DAAM2: variants seen among roughly 807,000 people sequenced by gnomAD.
DAAM2 encodes dishevelled associated activator of morphogenesis 2.
DAAM2 carries 39 observed loss-of-function variants against 120.7 expected under a neutral mutation model. The ratio of observed to expected loss-of-function variants is 0.32; its 90% confidence interval spans 0.25 to 0.42. DAAM2 has a LOEUF of 0.42. DAAM2 is among the 10% of genes least tolerant of loss of function. The pLI, the probability that DAAM2 is intolerant of heterozygous loss-of-function variation, is 1.00. For synonymous variants in DAAM2, 488 were observed against 524.9 expected (o/e 0.93, Z 0.96); for missense variants, 1,283 against 1,401.7 (o/e 0.92, Z 1.35).
At chr6:39,792,668 C>T (rs2113967387) in intron 1 of DAAM2, among the ~76,000 whole-genome samples, 1 of 152,278 alleles carries the variant, frequency 6.6e-6, no homozygotes, top group South Asian at 2.1e-4. Context: ...CTCCCAGGGC[C>T]TGTGTGTGTG....
chr6:39,842,186 C>G (rs1365003300), intron 1 of DAAM2, among the ~76,000 whole-genome samples: 6 of 152,174 alleles, frequency 3.9e-5, no homozygotes, highest in Admixed American at 3.9e-4. Flanking sequence ...ACCACTTTCT[C>G]CACTCTGCCT....
At chr6:39,809,832 C>G (rs916639774) in intron 1 of DAAM2, among the ~76,000 whole-genome samples, 10 of 152,174 alleles carry the variant, frequency 6.6e-5, no homozygotes, top group African/African-American at 2.4e-4. Flanking sequence ...TAGAGTTGTT[C>G]TGTCAACTGG....
At chr6:39,875,987 T>G (rs1764853553) in intron 11 of DAAM2, among the ~76,000 whole-genome samples, 1 of 152,198 alleles carries the variant, frequency 6.6e-6, no homozygotes, top group African/African-American at 2.4e-5. Context: ...CAAGTATAAG[T>G]GACAGAGACT....
At chr6:39,874,191 C>T (rs1764777997) in intron 10 of DAAM2, among the ~76,000 whole-genome samples, 1 of 152,168 alleles carries the variant, frequency 6.6e-6, no homozygotes, top group Non-Finnish European at 1.5e-5. Context: ...GTGAGTGAAC[C>T]TGAGGCTCAG....
At chr6:39,867,932 A>T in intron 6 of DAAM2, 89 bp downstream of exon 6, 2 of 1,188,980 alleles carry the variant, frequency 1.7e-6, no homozygotes, top group Non-Finnish European at 2.4e-6. Flanking sequence ...TTTGCAGCAG[A>T]AACTGGGGGA....
chr6:39,840,910 T>C (rs533213359), intron 1 of DAAM2, among the ~76,000 whole-genome samples: 1 of 146,204 alleles, frequency 6.8e-6, no homozygotes, highest in Admixed American at 6.8e-5. Context: ...GGAGGAAGGG[T>C]GGCCGGGATG....
chr6:39,892,352 A>G (rs1341004347), intron 19 of DAAM2, among the ~76,000 whole-genome samples: 1 of 152,182 alleles, frequency 6.6e-6, no homozygotes, highest in Non-Finnish European at 1.5e-5. Context: ...ATGTGGCTCC[A>G]TTCTCTCCTT....
intron 3 of DAAM2, 179 bp downstream of exon 3, chr6:39,861,196 C>A (rs1258340922): frequency 1.0e-5 from 7 of 686,546 alleles, no homozygotes; most frequent in Non-Finnish European, 1.6e-5. Flanking sequence ...GGAGCTTACA[C>A]TCAAAGAAAT....
intron 1 of DAAM2, among the ~76,000 whole-genome samples, chr6:39,852,390 T>C (rs1763839065): frequency 2.0e-5 from 3 of 152,156 alleles, no homozygotes; most frequent in Admixed American, 2.0e-4. Flanking sequence ...TACCCAGAGA[T>C]AGCTCAGAGC....
At chr6:39,806,564 G>A (rs575191850) in intron 1 of DAAM2, among the ~76,000 whole-genome samples, 1 of 151,906 alleles carries the variant, frequency 6.6e-6, no homozygotes, top group East Asian at 1.9e-4. Context: ...CTAATATTAT[G>A]GCTTATTTAA....
chr6:39,794,553 G>C (rs927004976), intron 1 of DAAM2, among the ~76,000 whole-genome samples: 10 of 152,184 alleles, frequency 6.6e-5, no homozygotes, highest in African/African-American at 2.4e-4. Flanking sequence ...GGCTGTGCAG[G>C]CAAGACCAAT....
At chr6:39,868,778 G>A (rs760324399) in intron 6 of DAAM2, 45 bp from the exon 7 acceptor site, 10 of 1,435,446 alleles carry the variant, frequency 7.0e-6, no homozygotes, top group African/African-American at 2.8e-5. Context: ...ACACCTGTTG[G>A]GAACTCAGCC....
rs1766461966 is a variant in DAAM2, at chr6:39,901,245, G to A, written c.2812-57G>A. ...GGCTAGAACCCAGCTAACCTCAGGG[G>A]CTGAGCCCAGCATGCTCCAGGGCAC... On this transcript the variant is annotated intron_variant, in intron 23 of 24. Coordinates refer to ENST00000274867, the MANE Select transcript of DAAM2 (RefSeq NM_001201427.2). This position sits in a 1 kb window ranked among gnomAD's most constrained non-coding sequence, Gnocchi z 4.5. The A allele has an allele frequency of 6.6e-7, 1 of 1,524,854 alleles. No individual in the cohort carries two copies. Among genetic ancestry groups the A allele is most frequent in the African/African-American group, 1.4e-5 (1 of 73,356 alleles). The allele number at this position is 1,524,854 out of a possible 1,614,324, so 94.5% of individuals were successfully genotyped here.
chr6:39,879,297 C>G lies in DAAM2; in HGVS notation c.1665C>G (p.Pro555=). 6.8e-7 allele frequency: 1 copy of G among 1,479,962 alleles called. No individual in the cohort carries two copies. The highest frequency in any genetic ancestry group is 9.3e-7 in the Non-Finnish European group (1 of 1,076,790). The allele number at this position is 1,479,962 out of a possible 1,614,324, so 91.7% of individuals were successfully genotyped here. The change falls in exon 14 of 25, where the codon CCC becomes CCG. Residue 555 remains proline (P), a synonymous_variant. Coordinates refer to ENST00000274867, the MANE Select transcript of DAAM2 (RefSeq NM_001201427.2). The part of the protein sequence containing the change: ...PPLPFACCPP[P]PPPPLPPGGP... ...TGCCCTTTGCCTGTTGTCCCCCTCC[C>G]CCACCACCACCCCTTCCTCCCGGGG...
chr6:39,849,329 T>C (rs1763719172), intron 1 of DAAM2, among the ~76,000 whole-genome samples: 1 of 152,174 alleles, frequency 6.6e-6, no homozygotes, highest in African/African-American at 2.4e-5. Context: ...CCTATAGTAA[T>C]ATGTAAAACT....
At chr6:39,846,454 T>A (rs914133249) in intron 1 of DAAM2, among the ~76,000 whole-genome samples, 4 of 152,202 alleles carry the variant, frequency 2.6e-5, no homozygotes, top group African/African-American at 4.8e-5. Context: ...AAAGTACTTA[T>A]GTTCTCTTGC....
chr6:39,831,289 G>T (rs967545587), intron 1 of DAAM2, among the ~76,000 whole-genome samples: 2 of 152,054 alleles, frequency 1.3e-5, no homozygotes, highest in African/African-American at 4.8e-5. Context: ...GAAGGGAGAT[G>T]GGAGGTGCTG....
chr6:39,858,296 G>T (rs1296668088), intron 2 of DAAM2, among the ~76,000 whole-genome samples: 2 of 152,192 alleles, frequency 1.3e-5, no homozygotes, highest in Non-Finnish European at 2.9e-5. Context: ...GCTAAAGAAG[G>T]GTTCTGGGTT....
chr6:39,852,044 A>G (rs921699456), intron 1 of DAAM2, among the ~76,000 whole-genome samples: 8 of 152,192 alleles, frequency 5.3e-5, no homozygotes, highest in African/African-American at 1.4e-4. Flanking sequence ...CTTGGGGACT[A>G]ACAGTCTTGA....
Sources: allele counts gnomAD v4.1 joint callset (sites outside exome capture counted in the v4.1 genomes callset), GRCh38; gene constraint gnomAD v4.1.1; non-coding constraint Gnocchi (gnomAD v3.1); transcripts MANE v1.5; gene names NCBI Gene and HGNC (gene_info 2026-07-23, HGNC 2026-07-21).